The following ANKHD1 variants were observed in gnomAD, a reference collection of about 807,000 sequenced individuals.
ANKHD1 encodes ankyrin repeat and KH domain containing 1, also known as ankyrin repeat and KH domain-containing protein 1.
ANKHD1 carries 31 observed loss-of-function variants against 230.5 expected under a neutral mutation model. That is an observed-to-expected ratio of 0.13 (90% CI 0.10 to 0.18). The LOEUF (loss-of-function observed/expected upper bound fraction) is 0.18. Ranked by LOEUF, ANKHD1 falls within the 10% of genes least tolerant of loss-of-function variation. ANKHD1 has a pLI of 1.00. For missense variants in ANKHD1, 2,256 were observed against 3,071.3 expected (o/e 0.73, Z 6.27); for synonymous variants, 1,074 against 1,117.6 (o/e 0.96, Z 0.78).
chr5:140,496,581 T>C lies in ANKHD1; in HGVS notation c.2307T>C (p.Phe769=). 1 of 1,613,116 alleles carries C rather than the reference T, an allele frequency of 6.2e-7. No homozygotes were observed. The highest frequency in any genetic ancestry group is 8.5e-7 in the Non-Finnish European group (1 of 1,179,848). Residue 769 remains phenylalanine, a synonymous_variant, in exon 15 of 34, where the codon TTT becomes TTC. Transcript: ENST00000360839. ...QVADQDLLPS[F]HPYQPLECIV... Reference sequence around the variant, plus strand: ...CAGATCAGGACCTACTGCCATCTTTTCACCCATACCAGCCTTTGGAGTGCA... The same window carrying C: ...CAGATCAGGACCTACTGCCATCTTTCCACCCATACCAGCCTTTGGAGTGCA...
chr5:140,439,634 C>T (rs1444453784), intron 3 of ANKHD1, among the ~76,000 whole-genome samples: 2 of 151,968 alleles, frequency 1.3e-5, no homozygotes, highest in Non-Finnish European at 2.9e-5. Flanking sequence ...TGTGCCACTG[C>T]ATTCCAGCCT....
At position 140,464,769 on chromosome 5, in the gene ANKHD1, C is replaced by T; in HGVS notation, c.1775C>T (p.Ala592Val). Residue 592 changes from alanine (A) to valine (V), a missense_variant, in exon 10 of 34, where the codon GCT becomes GTT. Physicochemically the swap from Ala to Val is moderately conservative, Grantham distance 64 (BLOSUM62 0). Coordinates refer to ENST00000360839, the MANE Select transcript of ANKHD1 (RefSeq NM_017747.3). ...DVADVLLQAG[A>V]DLEHESEGGR... ...GCAGATGTTTTACTTCAAGCAGGGG[C>T]TGATTTAGTAAGATATTTTTAATTT... is the stretch of plus-strand genomic sequence containing the variant. 6.3e-7 allele frequency: 1 copy of T among 1,598,104 alleles called. No individual in the cohort carries two copies. Among genetic ancestry groups the T allele is most frequent in the Non-Finnish European group, 8.6e-7 (1 of 1,169,252 alleles).
At position 140,535,507 on chromosome 5, in the gene ANKHD1, T is replaced by C. The variant is rs775195611; in HGVS notation, c.6996T>C (p.Ser2332=). The C allele has an allele frequency of 2.5e-6, 4 of 1,611,502 alleles. No individual in the cohort carries two copies. The South Asian group carries it at 4.4e-5, about 18-fold the overall frequency. ...GTPSFNRQHF[S]PHPWTSASNS... ...CTAGTTTCAACAGACAACATTTTTC[T>C]CCCCATCCTTGGACAAGCGCCTCAA... Residue 2332 remains serine (S), a synonymous_variant, in exon 30 of 34, where the codon TCT becomes TCC. Coordinates refer to ENST00000360839, the MANE Select transcript of ANKHD1 (RefSeq NM_017747.3).
intron 7 of ANKHD1, among the ~76,000 whole-genome samples, chr5:140,458,224 C>G (rs1775363870): frequency 6.6e-6 from 1 of 152,086 alleles, no homozygotes; most frequent in Admixed American, 6.6e-5. Flanking sequence ...AATATGACTC[C>G]TGAGTTTGAG....
At chr5:140,446,158 G>C (rs1265373912) in intron 6 of ANKHD1, among the ~76,000 whole-genome samples, 183 bp downstream of exon 6, 1 of 151,932 alleles carries the variant, frequency 6.6e-6, no homozygotes, top group Non-Finnish European at 1.5e-5. Flanking sequence ...TAGTTTTCTA[G>C]TATATGTTTA....
At position 140,402,139 on chromosome 5, in the gene ANKHD1, AGCAGCGGCGGCGGCG is replaced by A; in HGVS notation, c.181_195del (p.Gly61_Gly65del). ...GGCCGGGCCAGCGTCGGGAGTCGGC[AGCAGCGGCGGCGGCG>A]GCAGCGGCAGCGGTACGGGCGGAGG... On this transcript the variant is annotated inframe_deletion, in exon 1 of 34. Coordinates refer to ENST00000360839, the MANE Select transcript of ANKHD1 (RefSeq NM_017747.3). 6.5e-7 allele frequency: 1 copy of A among 1,546,936 alleles called. No individual in the cohort carries two copies. The highest frequency in any genetic ancestry group is 8.7e-7 in the Non-Finnish European group (1 of 1,150,848).
intron 2 of ANKHD1, among the ~76,000 whole-genome samples, chr5:140,437,116 G>C (rs1773509073): frequency 6.6e-6 from 1 of 152,094 alleles, no homozygotes; most frequent in South Asian, 2.1e-4. Flanking sequence ...AATGAAGTAG[G>C]AATAATACAC....
chr5:140,497,414 T>C, intron 15 of ANKHD1, 136 bp downstream of exon 15: 2 of 1,411,334 alleles, frequency 1.4e-6, no homozygotes, highest in Non-Finnish European at 1.9e-6. Flanking sequence ...TCGAAGTATT[T>C]TGGAAGTGAA....
intron 24 of ANKHD1, 107 bp downstream of exon 24, chr5:140,513,586 A>T: frequency 9.2e-7 from 1 of 1,086,850 alleles, no homozygotes; most frequent in Non-Finnish European, 1.3e-6. Flanking sequence ...AGGCGGGTGG[A>T]TTACCTGAGG....
Position 140,497,876 on chromosome 5 carries a change from AC to A in ANKHD1, c.3004+600del, listed in dbSNP as rs762743067. On this transcript the variant is annotated intron_variant, in intron 15 of 33. Coordinates refer to ENST00000360839, the MANE Select transcript of ANKHD1 (RefSeq NM_017747.3). Reference sequence around the variant, plus strand: ...TAATGAAAGCACACAACCACACCACACCACACACACACACACACACACACAC... The same window carrying A: ...TAATGAAAGCACACAACCACACCACACACACACACACACACACACACACAC... 2.3e-3 allele frequency among the ~76,000 whole-genome samples: 228 copies of A among 100,728 alleles called. 1 individual carries two copies. The highest frequency in any genetic ancestry group is 3.2e-3 in the Non-Finnish European group (154 of 48,702). The allele number at this position is 100,728 out of a possible 152,430, so 66.1% of individuals were successfully genotyped here. A position where few individuals can be genotyped will look rare whatever the true frequency, so the allele number is the denominator to read the frequency against.
At chr5:140,537,843 T>C (rs1754149776) in intron 31 of ANKHD1, among the ~76,000 whole-genome samples, 1 of 152,184 alleles carries the variant, frequency 6.6e-6, no homozygotes, top group Non-Finnish European at 1.5e-5. Context: ...TAAATAATCA[T>C]TTGAGTTCTT....
At chr5:140,475,913 A>C (rs763068920) in intron 10 of ANKHD1, among the ~76,000 whole-genome samples, 1 of 152,252 alleles carries the variant, frequency 6.6e-6, no homozygotes, top group Non-Finnish European at 1.5e-5. Flanking sequence ...GTAAACAAAC[A>C]AAAAGCAAAA....
chr5:140,441,087 T>C lies in ANKHD1; in HGVS notation c.858T>C (p.Asp286=), dbSNP rs140694523. The change falls in exon 5 of 34, where the codon GAT becomes GAC. Residue 286 remains aspartate, a synonymous_variant. Transcript: ENST00000360839. ...LMAASSGGYL[D]IVKLLLLHDA... ...CAGCTTCCAGTGGAGGTTACTTAGA[T>C]ATTGTGAAATTATTACTTCTTCATG... is the stretch of plus-strand genomic sequence containing the variant. The C allele has an allele frequency of 3.2e-5, 52 of 1,610,174 alleles. No homozygotes were observed. The highest frequency in any genetic ancestry group is 4.2e-5 in the Non-Finnish European group (50 of 1,178,678).
intron 7 of ANKHD1, 150 bp from the exon 8 acceptor site, chr5:140,458,475 G>A (rs1002904632): frequency 1.5e-6 from 1 of 682,904 alleles, no homozygotes; most frequent in Non-Finnish European, 2.2e-6. Flanking sequence ...GCTCAGATGA[G>A]CATGATAATA....
At chr5:140,476,767 G>T (rs116772659) in intron 10 of ANKHD1, among the ~76,000 whole-genome samples, 1 of 152,144 alleles carries the variant, frequency 6.6e-6, no homozygotes, top group East Asian at 1.9e-4. Context: ...GGTAAGCAAA[G>T]AAATTGATAA....
At position 140,538,105 on chromosome 5, in the gene ANKHD1, G is replaced by C. The variant is rs1213640717; in HGVS notation, c.7248G>C (p.Ser2416=). Residue 2416 remains serine (S), a synonymous_variant, in exon 32 of 34, where the codon TCG becomes TCC. Transcript: ENST00000360839. ...TTCCAGAAGGCTTATCAGGTTGGTC[G>C]CAATCTGTGATGGGGAACCATCCAA... ...NAVSEGLSGW[S]QSVMGNHPMH... The C allele has an allele frequency of 1.2e-6, 2 of 1,611,140 alleles. No homozygotes were observed. The highest frequency in any genetic ancestry group is 4.5e-5 in the East Asian group (2 of 44,826).
At chr5:140,405,918 C>T (rs1770398378) in intron 1 of ANKHD1, among the ~76,000 whole-genome samples, 1 of 151,928 alleles carries the variant, frequency 6.6e-6, no homozygotes. Context: ...CAGGTGTGAG[C>T]CACCATGCCT....
chr5:140,432,152 A>G (rs1773096223), intron 1 of ANKHD1, among the ~76,000 whole-genome samples: 2 of 152,228 alleles, frequency 1.3e-5, no homozygotes, highest in Admixed American at 6.5e-5. Flanking sequence ...GATTTTTAGT[A>G]TATTTACAAG....
At chr5:140,509,603 G>A (rs1752677497) in intron 20 of ANKHD1, 34 bp from the exon 21 acceptor site, 1 of 1,473,128 alleles carries the variant, frequency 6.8e-7, no homozygotes, top group South Asian at 1.5e-5. Flanking sequence ...AAAAAGAAAT[G>A]TAACTTAGTT....
Sources: gnomAD v4.1 joint callset for allele counts (sites outside exome capture counted in the v4.1 genomes callset) on GRCh38, gnomAD v4.1.1 for gene constraint, MANE v1.5 for transcripts, NCBI Gene and HGNC (gene_info 2026-07-23, HGNC 2026-07-21) for gene names.